Variants in HOXC6 observed in about 807,000 individuals in gnomAD.
HOXC6 encodes homeobox protein Hox-C6.
In HOXC6, 10 loss-of-function variants were observed where a neutral mutation model predicts 24.0. The observed-to-expected ratio is 0.42, with a 90% confidence interval of 0.26 to 0.71. The LOEUF (loss-of-function observed/expected upper bound fraction) is 0.71. HOXC6 is among the 30% of genes least tolerant of loss of function. The pLI, the probability that HOXC6 is intolerant of heterozygous loss-of-function variation, is 0.28. For synonymous variants in HOXC6, 123 were observed against 128.1 expected (o/e 0.96, Z 0.27); for missense variants, 258 against 303.4 (o/e 0.85, Z 1.11).
chr12:54,026,946 C>CG (rs1940735797), upstream of HOXC6, among the ~76,000 whole-genome samples: 1 of 137,734 alleles, frequency 7.3e-6, no homozygotes, highest in Non-Finnish European at 1.6e-5. Context: ...TCCCCCCCCC[C>CG]AACCCACCCA....
upstream of HOXC6, among the ~76,000 whole-genome samples, chr12:54,024,100 A>T (rs909340151): frequency 1.3e-5 from 2 of 152,208 alleles, no homozygotes; most frequent in Admixed American, 6.5e-5. Context: ...GCCTTAACCA[A>T]ATAGTGTGAT....
At chr12:54,018,085 C>A (rs1940242972) in intron 1 of HOXC6, among the ~76,000 whole-genome samples, 1 of 152,088 alleles carries the variant, frequency 6.6e-6, no homozygotes, top group Non-Finnish European at 1.5e-5. Context: ...GTCTGCCCAC[C>A]CCCTGCTCCC....
At chr12:54,027,575 C>T (rs549262330), upstream of HOXC6, among the ~76,000 whole-genome samples, 24 of 152,344 alleles carry the variant, frequency 1.6e-4, no homozygotes, top group Non-Finnish European at 2.5e-4. Context: ...CTCTCTTTCT[C>T]TCTGTCTTTC....
rs1940841390 is a variant in HOXC6, at chr12:54,028,664, G to A, written c.143G>A (p.Arg48Gln). The A allele has an allele frequency of 2.5e-6, 4 of 1,613,996 alleles. No homozygotes were observed. The highest frequency in any genetic ancestry group is 1.7e-6 in the Non-Finnish European group (2 of 1,180,002). Residue 48 changes from arginine (R) to glutamine (Q), a missense_variant, in exon 1 of 2, where the codon CGG becomes CAG. By Grantham distance (43) the Arg-to-Gln change is conservative (BLOSUM62 1). Transcript: ENST00000243108. ...TATGGAGCGGCCGTTGCCCAGAACC[G>A]GATCTACTCGACTCCCTTTTATTCG... ...STYGAAVAQN[R>Q]IYSTPFYSPQ...
chr12:54,029,026 A>ACAATCAC, intron 1 of HOXC6, 105 bp downstream of exon 1: 1 of 1,117,538 alleles, frequency 8.9e-7, no homozygotes, highest in Non-Finnish European at 1.3e-6. Context: ...CCCCATAAAA[A>ACAATCAC]CAATCACGCT....
chr12:54,026,941 C>G (rs895460762), upstream of HOXC6, among the ~76,000 whole-genome samples: 7 of 142,450 alleles, frequency 4.9e-5, no homozygotes, highest in Non-Finnish European at 9.1e-5. Flanking sequence ...AGCTTTCCCC[C>G]CCCCCAACCC....
At chr12:54,025,055 G>T (rs1177838329), upstream of HOXC6, among the ~76,000 whole-genome samples, 1 of 152,142 alleles carries the variant, frequency 6.6e-6, no homozygotes, top group African/African-American at 2.4e-5. Context: ...GATTTGGGAG[G>T]CTAAGGGGCC....
intron 1 of HOXC6, among the ~76,000 whole-genome samples, chr12:54,018,311 C>T (rs533367049): frequency 6.6e-6 from 1 of 152,354 alleles, no homozygotes; most frequent in African/African-American, 2.4e-5. Context: ...CCGCTCGCCA[C>T]GCATGGCTGC....
rs1359035050 is a variant in HOXC6 at position 54,028,987 on chromosome 12, G to T, written c.400+66G>T. 4.1e-6 allele frequency: 6 copies of T among 1,479,376 alleles called. No individual in the cohort carries two copies. In the East Asian group the frequency reaches 1.4e-4, roughly 34 times the overall value. 91.6% of individuals were successfully genotyped at this position (1,479,376 alleles called of 1,614,324 possible). A position where few individuals can be genotyped will look rare whatever the true frequency, so the allele number is the denominator to read the frequency against. On this transcript the variant is annotated intron_variant, in intron 1 of 1. Transcript: ENST00000243108. ...ACTGGCTTTATGACCGGCTTCCCTA[G>T]AAGAACGGGCGGAGAGAGTTTTTTA... is the stretch of plus-strand genomic sequence containing the variant.
intron 1 of HOXC6, among the ~76,000 whole-genome samples, chr12:54,018,675 A>G (rs928003021): frequency 1.3e-5 from 2 of 152,202 alleles, no homozygotes; most frequent in African/African-American, 4.8e-5. Context: ...CGAGGCTCCG[A>G]GGCGGCCCCA....
At chr12:54,028,015 G>A (rs1229295116), upstream of HOXC6, among the ~76,000 whole-genome samples, 1 of 152,124 alleles carries the variant, frequency 6.6e-6, no homozygotes, top group Non-Finnish European at 1.5e-5. Context: ...TCCTGTGCTG[G>A]GAGGGAGTTC....
chr12:54,024,712 C>T (rs1445435183), upstream of HOXC6, among the ~76,000 whole-genome samples: 1 of 152,124 alleles, frequency 6.6e-6, no homozygotes, highest in Non-Finnish European at 1.5e-5. Context: ...CAGCCTTTCC[C>T]TGGCCTAAAG....
At chr12:54,024,663 C>A (rs1053989634), upstream of HOXC6, among the ~76,000 whole-genome samples, 9 of 150,478 alleles carry the variant, frequency 6.0e-5, no homozygotes, top group African/African-American at 1.5e-4. Context: ...TGGGTCCAGT[C>A]CCACCCACCC....
upstream of HOXC6, chr12:54,028,345 AT>A (rs150694870): frequency 7.2e-5 from 44 of 612,874 alleles, no homozygotes; most frequent in East Asian, 1.7e-4. Context: ...AGCAGAAGCG[AT>A]TTTTTTCCCC....
chr12:54,028,352 T>TC (rs60224235), upstream of HOXC6: 13 of 633,060 alleles, frequency 2.1e-5, no homozygotes, highest in South Asian at 1.2e-4. Flanking sequence ...GCGATTTTTT[T>TC]CCCCCTTCCT....
Position 54,030,037 on chromosome 12 carries a change from G to T in HOXC6, c.*75G>T. On this transcript the variant is annotated 3_prime_UTR_variant, in exon 2 of 2. Transcript: ENST00000243108. ...CAACTCTCCCCTAATCACACACTCTGTATTTATCACTGGCACAATTGATGT... is the reference window on the plus strand; with the variant it reads ...CAACTCTCCCCTAATCACACACTCTTTATTTATCACTGGCACAATTGATGT... 7.6e-7 allele frequency: 1 copy of T among 1,319,420 alleles called. No individual in the cohort carries two copies. The highest frequency in any genetic ancestry group is 1.0e-6 in the Non-Finnish European group (1 of 979,468). 81.7% of individuals were successfully genotyped at this position (1,319,420 alleles called of 1,614,324 possible).
Position 54,029,831 on chromosome 12 carries a change from C to A in HOXC6, c.577C>A (p.Arg193=). Residue 193 remains arginine, a synonymous_variant, in exon 2 of 2, where the codon CGG becomes AGG. Coordinates refer to ENST00000243108, the MANE Select transcript of HOXC6 (RefSeq NM_004503.4). ...GATCAAAATCTGGTTCCAGAACCGC[C>A]GGATGAAGTGGAAAAAAGAATCTAA... The part of the protein sequence containing the change: ...RQIKIWFQNR[R]MKWKKESNLT... The A allele has an allele frequency of 6.2e-7, 1 of 1,613,822 alleles. No homozygotes were observed.
chr12:54,028,671 C>T lies in HOXC6; in HGVS notation c.150C>T (p.Tyr50=), dbSNP rs757013916. The change falls in exon 1 of 2, where the codon TAC becomes TAT. Residue 50 remains tyrosine (Y), a synonymous_variant. Coordinates refer to ENST00000243108, the MANE Select transcript of HOXC6 (RefSeq NM_004503.4). Reference sequence around the variant, plus strand: ...CGGCCGTTGCCCAGAACCGGATCTACTCGACTCCCTTTTATTCGCCACAGG... The same window carrying T: ...CGGCCGTTGCCCAGAACCGGATCTATTCGACTCCCTTTTATTCGCCACAGG... ...YGAAVAQNRI[Y]STPFYSPQEN... is the part of the protein sequence containing the mutation. 6.2e-7 allele frequency: 1 copy of T among 1,614,168 alleles called. No individual in the cohort carries two copies.
chr12:54,020,506 C>T (rs938389947), intron 1 of HOXC6: 3 of 152,208 alleles, frequency 2.0e-5, no homozygotes, highest in Admixed American at 2.0e-4. Flanking sequence ...GTTGGGTTGG[C>T]TGTGTTCTGA....
Sources: allele counts gnomAD v4.1 joint callset (sites outside exome capture counted in the v4.1 genomes callset), GRCh38; gene constraint gnomAD v4.1.1; transcripts MANE v1.5; gene names NCBI Gene and HGNC (gene_info 2026-07-23, HGNC 2026-07-21).